KHDRBS2: variants seen among roughly 807,000 people sequenced by gnomAD.
KHDRBS2 encodes the protein KH RNA binding domain containing, signal transduction associated 2.
KHDRBS2 carries 26 observed loss-of-function variants against 44.3 expected under a neutral mutation model. The observed-to-expected ratio is 0.59, with a 90% confidence interval of 0.43 to 0.81. The LOEUF (loss-of-function observed/expected upper bound fraction) is 0.81, where lower values mean the gene tolerates loss of function less well. Among genes scored for constraint, KHDRBS2 ranks in the 40% least tolerant of loss-of-function variants. The pLI is 0.00. For missense variants in KHDRBS2, 476 were observed against 433.1 expected, an observed-to-expected ratio of 1.10 and a Z score of -0.88; for synonymous variants, 194 against 151.1, an observed-to-expected ratio of 1.28 and a Z score of -2.08.
intron 6 of KHDRBS2, among the ~76,000 whole-genome samples, chr6:61,780,541 CA>C (rs59944569): frequency 6.6e-6 from 1 of 151,852 alleles, no homozygotes; most frequent in Non-Finnish European, 1.5e-5. Context: ...AAACAAACAG[CA>C]AAAAACACTT....
intron 4 of KHDRBS2, among the ~76,000 whole-genome samples, chr6:61,945,846 C>T (rs1440095527): frequency 6.6e-6 from 1 of 150,666 alleles, no homozygotes; most frequent in Non-Finnish European, 1.5e-5. Flanking sequence ...ATAGCAAATA[C>T]TTATTCATAC....
intron 1 of KHDRBS2, among the ~76,000 whole-genome samples, chr6:62,195,725 C>A (rs985793560): frequency 6.6e-6 from 1 of 152,020 alleles, no homozygotes; most frequent in African/African-American, 2.4e-5. Context: ...TAAAAATACA[C>A]AAAGTGTGCA....
intron 2 of KHDRBS2, among the ~76,000 whole-genome samples, chr6:62,147,275 CT>C (rs1479666216): frequency 6.6e-6 from 1 of 151,840 alleles, no homozygotes; most frequent in Non-Finnish European, 1.5e-5. Context: ...CAGCAAAAGT[CT>C]TTTTTTCTAT....
In KHDRBS2 at chr6:62,195,139, T is replaced by C. The variant is rs1825415576; in HGVS notation, c.92-17827A>G. Among the ~76,000 whole-genome samples, 5 of 152,182 alleles carry C rather than the reference T, an allele frequency of 3.3e-5. No individual in the cohort carries two copies. In the South Asian group the frequency reaches 1.0e-3, roughly 31 times the overall value. ...TTTATAATTTTCAGCATACAAGCCATGCCCTTATTTGTTAAATTCATTTCT... is the reference window on the plus strand; with the variant it reads ...TTTATAATTTTCAGCATACAAGCCACGCCCTTATTTGTTAAATTCATTTCT... On this transcript the variant is annotated intron_variant, in intron 1 of 8. Transcript: ENST00000281156.
chr6:62,276,480 C>A (rs1028618971), intron 1 of KHDRBS2, among the ~76,000 whole-genome samples: 3 of 152,094 alleles, frequency 2.0e-5, no homozygotes, highest in East Asian at 1.9e-4. Context: ...ACAAAATTAT[C>A]CAATCACTTT....
At chr6:61,649,818 A>G in the KHDRBS2 span, among the ~76,000 whole-genome samples, 1 of 152,036 alleles carries the variant, frequency 6.6e-6, no homozygotes, top group African/African-American at 2.4e-5. Flanking sequence ...GGATTACTCT[A>G]ATGTTCTGCT....
intron 6 of KHDRBS2, among the ~76,000 whole-genome samples, chr6:61,750,060 G>A (rs1441628715): frequency 6.6e-6 from 1 of 152,098 alleles, no homozygotes; most frequent in Non-Finnish European, 1.5e-5. Context: ...GGATCACTGT[G>A]TGAAAAAGAG....
chr6:61,954,413 A>G (rs1304161249), intron 4 of KHDRBS2, among the ~76,000 whole-genome samples: 11 of 90,458 alleles, frequency 1.2e-4, no homozygotes, highest in African/African-American at 2.5e-4. Context: ...ATGCATGCAT[A>G]CATATATACG....
intron 2 of KHDRBS2, among the ~76,000 whole-genome samples, chr6:62,112,063 C>T (rs548371664): frequency 7.9e-5 from 12 of 151,968 alleles, no homozygotes; most frequent in Admixed American, 3.3e-4. Context: ...TTAACTGATA[C>T]GTGAAAAATT....
At chr6:62,090,550 A>T (rs1799305087) in intron 2 of KHDRBS2, among the ~76,000 whole-genome samples, 2 of 150,842 alleles carry the variant, frequency 1.3e-5, no homozygotes, top group Non-Finnish European at 3.0e-5. Context: ...TAGTGGTTAT[A>T]GGAAAGGTGT....
chr6:62,171,439 A>G (rs1819982410), intron 2 of KHDRBS2, among the ~76,000 whole-genome samples: 1 of 152,160 alleles, frequency 6.6e-6, no homozygotes, highest in East Asian at 1.9e-4. Context: ...GGATTATGTA[A>G]AGAGATCAAA....
chr6:61,726,166 T>C (rs62426172), intron 7 of KHDRBS2, among the ~76,000 whole-genome samples: 28,026 of 151,202 alleles, frequency 0.19, 2,721 homozygotes, highest in African/African-American at 0.21. Context: ...ATAAATTTGG[T>C]TCATCGCATA....
At chr6:62,152,677 A>G (rs1815473351) in intron 2 of KHDRBS2, among the ~76,000 whole-genome samples, 1 of 152,200 alleles carries the variant, frequency 6.6e-6, no homozygotes, top group Admixed American at 6.5e-5. Context: ...ACATATTCAA[A>G]TCTTGACCTG....
chr6:61,578,407 A>G, the KHDRBS2 span, among the ~76,000 whole-genome samples: 1 of 152,172 alleles, frequency 6.6e-6, no homozygotes, highest in African/African-American at 2.4e-5. Context: ...GGAATTGAAA[A>G]GACAGTGTAG....
At chr6:61,923,024 G>T (rs1382680377) in intron 4 of KHDRBS2, among the ~76,000 whole-genome samples, 3 of 151,982 alleles carry the variant, frequency 2.0e-5, no homozygotes, top group Non-Finnish European at 4.4e-5. Context: ...CATTAAAACA[G>T]TTATGATAAA....
chr6:62,145,614 C>T (rs208987), intron 2 of KHDRBS2, among the ~76,000 whole-genome samples: 26,138 of 151,540 alleles, frequency 0.17, 2,573 homozygotes, highest in African/African-American at 0.27. Flanking sequence ...TTGGAGTTCA[C>T]CTTAGCTATT....
At chr6:61,675,679 G>A (rs1368461431), downstream of KHDRBS2, among the ~76,000 whole-genome samples, 2 of 151,732 alleles carry the variant, frequency 1.3e-5, no homozygotes, top group African/African-American at 4.8e-5. Flanking sequence ...AATCATATTT[G>A]AGTTCAGTAA....
chr6:61,754,019 G>C (rs895573347), intron 6 of KHDRBS2, among the ~76,000 whole-genome samples: 6 of 152,174 alleles, frequency 3.9e-5, no homozygotes, highest in Admixed American at 3.9e-4. Context: ...AACAAGGAAG[G>C]ATTCTCCCCC....
At chr6:62,050,727 G>T (rs1562727246) in intron 2 of KHDRBS2, among the ~76,000 whole-genome samples, 2 of 151,948 alleles carry the variant, frequency 1.3e-5, no homozygotes, top group Admixed American at 1.3e-4. Flanking sequence ...ATCATTTTAA[G>T]ACTGGCAGTT....
Sources: allele counts gnomAD v4.1 joint callset (sites outside exome capture counted in the v4.1 genomes callset), GRCh38; gene constraint gnomAD v4.1.1; transcripts MANE v1.5; gene names NCBI Gene and HGNC (gene_info 2026-07-23, HGNC 2026-07-21).